EYS: variants seen among roughly 807,000 people sequenced by gnomAD.
The protein encoded by EYS is EGF-like photoreceptor maintenance factor.
Under a neutral mutation model 282.1 loss-of-function variants are expected in EYS, and 250 were observed. That is an observed-to-expected ratio of 0.89 (90% confidence interval 0.80 to 0.98). The LOEUF (loss-of-function observed/expected upper bound fraction) is 0.98. Ranked by LOEUF, EYS falls within the 50% of genes least tolerant of loss-of-function variation. EYS has a pLI of 0.00. For synonymous variants in EYS, 1,355 were observed against 1,282.9 expected (o/e 1.06, Z -1.20); for missense variants, 4,016 against 3,709.0 (o/e 1.08, Z -2.15).
chr6:64,540,937 C>G (rs1562050071), intron 26 of EYS, among the ~76,000 whole-genome samples: 2 of 152,192 alleles, frequency 1.3e-5, no homozygotes, highest in Non-Finnish European at 2.9e-5. Context: ...ATGCCTTCTA[C>G]TATGAAAATT....
At chr6:65,530,543 T>C (rs1278832849) in intron 2 of EYS, among the ~76,000 whole-genome samples, 2 of 152,324 alleles carry the variant, frequency 1.3e-5, no homozygotes, top group Admixed American at 6.5e-5. Context: ...ATGTCAACAG[T>C]TATTATTATT....
intron 18 of EYS, among the ~76,000 whole-genome samples, chr6:64,890,559 C>T (rs1224167019): frequency 6.6e-6 from 1 of 152,088 alleles, no homozygotes; most frequent in African/African-American, 2.4e-5. Context: ...GCAGGTTCCC[C>T]GATATGTTAT....
intron 24 of EYS, among the ~76,000 whole-genome samples, chr6:64,605,480 T>G (rs905861381): frequency 6.6e-6 from 1 of 151,916 alleles, no homozygotes; most frequent in Non-Finnish European, 1.5e-5. Flanking sequence ...AACGCATAAT[T>G]ACTACAGGTG....
chr6:65,652,586 G>A (rs1024002734), intron 1 of EYS, among the ~76,000 whole-genome samples: 1 of 151,912 alleles, frequency 6.6e-6, no homozygotes, highest in Non-Finnish European at 1.5e-5. Context: ...CACCTACTCA[G>A]TGAAAAGAAA....
At chr6:64,241,227 C>T (rs1300768383) in intron 30 of EYS, among the ~76,000 whole-genome samples, 4 of 152,002 alleles carry the variant, frequency 2.6e-5, no homozygotes, top group East Asian at 1.9e-4. Context: ...GTTTCTTTGC[C>T]AGGTTTTGGT....
In EYS at chr6:65,061,541, A is replaced by G. The variant is rs1380866880; in HGVS notation, c.2024-3814T>C. Among the ~76,000 whole-genome samples, 8 of 151,924 alleles carry G rather than the reference A, an allele frequency of 5.3e-5. No homozygotes were observed. In the South Asian group the frequency reaches 1.7e-3, roughly 31 times the overall value. On this transcript the variant is annotated intron_variant, in intron 12 of 42. Coordinates refer to ENST00000503581, the MANE Select transcript of EYS (RefSeq NM_001142800.2). ...GACAACTGATGAACGTACATTGACT[A>G]TCAGACACTTCATTTTAAAATAAGT...
At chr6:65,674,155 C>A (rs1167801221) in intron 1 of EYS, among the ~76,000 whole-genome samples, 1 of 151,652 alleles carries the variant, frequency 6.6e-6, no homozygotes, top group South Asian at 2.1e-4. Context: ...GATGTGACTC[C>A]ATCAAGGGAA....
chr6:64,130,399 A>C (rs1056930394), intron 31 of EYS, among the ~76,000 whole-genome samples: 3 of 152,164 alleles, frequency 2.0e-5, no homozygotes, highest in African/African-American at 7.2e-5. Context: ...CAAATGCCGC[A>C]TGTTCTCACT....
chr6:64,479,917 C>T (rs533239116), intron 26 of EYS, among the ~76,000 whole-genome samples: 2 of 151,824 alleles, frequency 1.3e-5, no homozygotes, highest in African/African-American at 4.8e-5. Context: ...ATTGGAGCAA[C>T]AACAATAAAA....
intron 35 of EYS, among the ~76,000 whole-genome samples, chr6:63,893,494 C>T (rs1184633287): frequency 2.6e-5 from 4 of 152,212 alleles, no homozygotes; most frequent in South Asian, 2.1e-4. Flanking sequence ...ACCAAACCCG[C>T]ATGTTCTCAC....
At chr6:64,809,332 T>C (rs1449667421) in intron 22 of EYS, among the ~76,000 whole-genome samples, 1 of 151,996 alleles carries the variant, frequency 6.6e-6, no homozygotes, top group South Asian at 2.1e-4. Flanking sequence ...AATATAATAA[T>C]ATGGCTTTTT....
intron 35 of EYS, among the ~76,000 whole-genome samples, chr6:63,912,344 T>C (rs445894): frequency 0.7 from 107,180 of 152,066 alleles, 37,925 homozygotes; most frequent in Non-Finnish European, 0.73. Context: ...TATAAAATTT[T>C]AAATATTCTA....
intron 12 of EYS, among the ~76,000 whole-genome samples, chr6:65,166,161 C>A (rs1034833850): frequency 8.0e-5 from 12 of 150,940 alleles, no homozygotes; most frequent in African/African-American, 2.9e-4. Context: ...CAAAAATTCC[C>A]AAATTATTCT....
Position 63,726,544 on chromosome 6 carries a change from A to G in EYS, c.8208T>C (p.Ala2736=), listed in dbSNP as rs1582145891. 3 of 1,550,990 alleles carry G rather than the reference A, an allele frequency of 1.9e-6. No homozygotes were observed. The East Asian group carries it at 7.3e-5, about 38-fold the overall frequency. The change falls in exon 42 of 43, where the codon GCT becomes GCC. Residue 2736 remains alanine, a synonymous_variant. Coordinates refer to ENST00000503581, the MANE Select transcript of EYS (RefSeq NM_001142800.2). ...CTGATTGGGCTTTTAAGTGTTGTGC[A>G]GCATAAAATAGGATACCATCTGCAG... ...PLAADGILFY[A]AQHLKAQSGD...
chr6:64,886,969 AT>A (rs1362718033), intron 18 of EYS, 127 bp from the exon 19 acceptor site: 5 of 662,124 alleles, frequency 7.6e-6, no homozygotes, highest in Non-Finnish European at 9.2e-6. Flanking sequence ...TATGTATTTC[AT>A]TTTTTTCTTT....
intron 12 of EYS, among the ~76,000 whole-genome samples, chr6:65,287,612 A>G (rs1379231640): frequency 3.3e-5 from 5 of 151,302 alleles, no homozygotes; most frequent in South Asian, 2.1e-4. Flanking sequence ...GGAGAAACCA[A>G]TTTAGAATTA....
chr6:63,868,677 G>A (rs998931963), intron 35 of EYS, among the ~76,000 whole-genome samples: 2 of 152,136 alleles, frequency 1.3e-5, no homozygotes, highest in East Asian at 3.9e-4. Flanking sequence ...GCTTTAGGAG[G>A]TATGCAAATG....
chr6:64,815,104 T>A (rs1352861930), intron 21 of EYS: 1 of 295,122 alleles, frequency 3.4e-6, no homozygotes, highest in East Asian at 1.1e-4. Context: ...CACTTCAGTA[T>A]AATATTCCAG....
At chr6:65,617,641 C>G (rs894453215) in intron 2 of EYS, among the ~76,000 whole-genome samples, 8 of 151,122 alleles carry the variant, frequency 5.3e-5, no homozygotes, top group African/African-American at 1.5e-4. Flanking sequence ...CATGCTGGTG[C>G]GCTGCACCCA....
Sources: allele counts gnomAD v4.1 joint callset (sites outside exome capture counted in the v4.1 genomes callset), GRCh38; gene constraint gnomAD v4.1.1; transcripts MANE v1.5; gene names NCBI Gene and HGNC (gene_info 2026-07-23, HGNC 2026-07-21).